PCSK6: variants seen among roughly 807,000 people sequenced by gnomAD.
The protein encoded by PCSK6 is paired basic amino acid cleaving enzyme 4.
In PCSK6, 85 loss-of-function variants were observed where a neutral mutation model predicts 123.3. The ratio of observed to expected loss-of-function variants is 0.69; its 90% CI spans 0.58 to 0.83. The LOEUF is 0.83. Ranked by LOEUF, PCSK6 falls within the 40% of genes least tolerant of loss-of-function variation. The pLI, the probability that PCSK6 is intolerant of heterozygous loss-of-function variation, is 0.00. For synonymous variants in PCSK6, 508 were observed against 516.0 expected, an observed-to-expected ratio of 0.98 and a Z score of 0.21; for missense variants, 1,191 against 1,282.3, an observed-to-expected ratio of 0.93 and a Z score of 1.09.
intron 2 of PCSK6, among the ~76,000 whole-genome samples, chr15:101,432,446 A>T (rs2056476702): frequency 8.2e-6 from 1 of 121,756 alleles, no homozygotes; most frequent in Non-Finnish European, 1.7e-5. Context: ...AACATGGTGA[A>T]ACCCCACCTC....
chr15:101,370,404 G>A lies in PCSK6; in HGVS notation c.1652C>T (p.Pro551Leu), dbSNP rs2041543206. Reference sequence around the variant, plus strand: ...GTAGATCTGGAGGTCTCCTCGGCGTGGGTGTGAGATGGAGGTGCGAACCAC... The same window carrying A: ...GTAGATCTGGAGGTCTCCTCGGCGTAGGTGTGAGATGGAGGTGCGAACCAC... ...HVVVRTSISH[P>L]RRGDLQIYLV... is the part of the protein sequence containing the mutation. Residue 551 changes from proline to leucine, a missense_variant, in exon 12 of 22, where the codon CCA becomes CTA. Pro to Leu is a moderately conservative substitution (Grantham distance 98, BLOSUM62 -3). Around this residue, in one of 3 missense-constraint regions of PCSK6, gnomAD observed 630 missense variants for 631.4 expected, o/e 1.00. Transcript: ENST00000611716. 3 of 1,553,070 alleles carry A rather than the reference G, an allele frequency of 1.9e-6. No homozygotes were observed. The highest frequency in any genetic ancestry group is 2.6e-6 in the Non-Finnish European group (3 of 1,147,754).
intron 2 of PCSK6, among the ~76,000 whole-genome samples, chr15:101,437,972 CT>C (rs749627123): frequency 6.6e-6 from 1 of 152,256 alleles, no homozygotes; most frequent in Non-Finnish European, 1.5e-5. Flanking sequence ...GCGGGGGACC[CT>C]AATCCAATCT....
At chr15:101,427,770 C>T (rs2056306096) in intron 6 of PCSK6, 122 bp downstream of exon 6, 1 of 702,126 alleles carries the variant, frequency 1.4e-6, no homozygotes, top group Non-Finnish European at 2.4e-6. Flanking sequence ...GCGTCTGGCC[C>T]AGGGGTCTGC....
chr15:101,403,444 GA>G (rs975440803), intron 6 of PCSK6, among the ~76,000 whole-genome samples: 174 of 146,404 alleles, frequency 1.2e-3, no homozygotes, highest in African/African-American at 3.1e-3. Context: ...AAAAGAGAGA[GA>G]AAAAAAAATG....
intron 1 of PCSK6, among the ~76,000 whole-genome samples, chr15:101,486,914 AG>A (rs1362277976): frequency 1.3e-5 from 2 of 152,260 alleles, no homozygotes; most frequent in Admixed American, 1.3e-4. Flanking sequence ...GCAAATGAGC[AG>A]GGATGGAACT....
At chr15:101,417,840 T>TA (rs2055940653) in intron 6 of PCSK6, among the ~76,000 whole-genome samples, 1 of 151,636 alleles carries the variant, frequency 6.6e-6, no homozygotes, top group African/African-American at 2.4e-5. Context: ...TGCAAAAGCC[T>TA]GTTTTTTTTT....
chr15:101,481,446 GAAC>G (rs1247059406), intron 1 of PCSK6, among the ~76,000 whole-genome samples: 4 of 152,268 alleles, frequency 2.6e-5, no homozygotes, highest in Admixed American at 2.0e-4. Flanking sequence ...TGGGCAGGAA[GAAC>G]AACAGAAGCA....
intron 2 of PCSK6, among the ~76,000 whole-genome samples, chr15:101,437,902 G>A (rs894932615): frequency 7.9e-5 from 12 of 152,212 alleles, no homozygotes; most frequent in Admixed American, 2.0e-4. Flanking sequence ...AGCTCAGAAC[G>A]TGACTGTAAT....
chr15:101,485,453 G>A (rs62027244), intron 1 of PCSK6, among the ~76,000 whole-genome samples: 23,515 of 152,052 alleles, frequency 0.15, 2,090 homozygotes, highest in Middle Eastern at 0.24. Flanking sequence ...TCTTCATTTT[G>A]AAATTTATTT....
intron 11 of PCSK6, among the ~76,000 whole-genome samples, chr15:101,381,362 C>CTCAATCAA (rs201058324): frequency 1.3e-5 from 2 of 151,840 alleles, no homozygotes; most frequent in South Asian, 2.1e-4. Flanking sequence ...AAAACTCGGT[C>CTCAATCAA]TCAATCAATC....
chr15:101,334,850 C>A (rs1407299120), intron 13 of PCSK6, among the ~76,000 whole-genome samples: 3 of 151,054 alleles, frequency 2.0e-5, no homozygotes, highest in Non-Finnish European at 4.4e-5. Context: ...AGGAAGAATT[C>A]CCAGGGACCC....
At chr15:101,439,277 G>A (rs2056691916) in intron 2 of PCSK6, among the ~76,000 whole-genome samples, 1 of 152,260 alleles carries the variant, frequency 6.6e-6, no homozygotes, top group African/African-American at 2.4e-5. Flanking sequence ...CTGGGTTTGG[G>A]ACATACTGAC....
intron 10 of PCSK6, chr15:101,384,076 G>C (rs1239893415): frequency 4.1e-6 from 4 of 978,506 alleles, no homozygotes; most frequent in Non-Finnish European, 1.2e-6. Flanking sequence ...GTGGTGTCTC[G>C]GTGTGGCCAA....
intron 13 of PCSK6, chr15:101,347,780 G>GA (rs771447301): frequency 6.2e-7 from 1 of 1,611,414 alleles, no homozygotes; most frequent in South Asian, 1.1e-5. Flanking sequence ...CAGGTTCCCT[G>GA]GAAAACAAGG....
chr15:101,483,091 C>T (rs920101496), intron 1 of PCSK6, among the ~76,000 whole-genome samples: 4 of 152,186 alleles, frequency 2.6e-5, no homozygotes, highest in Non-Finnish European at 2.9e-5. Context: ...GCAGGCCAGC[C>T]GCGCACAGCC....
At chr15:101,414,342 A>T (rs954155016) in intron 6 of PCSK6, among the ~76,000 whole-genome samples, 2 of 152,194 alleles carry the variant, frequency 1.3e-5, no homozygotes, top group Non-Finnish European at 2.9e-5. Flanking sequence ...CTAGTAAAAT[A>T]AAAAAATCAC....
Position 101,305,462 on chromosome 15 carries a change from C to T in PCSK6, c.2813-107G>A, listed in dbSNP as rs2039702448. The T allele has an allele frequency of 4.6e-6, 4 of 862,400 alleles. No homozygotes were observed. Among genetic ancestry groups the T allele is most frequent in the African/African-American group, 1.7e-5 (1 of 60,226 alleles). 53.4% of individuals were successfully genotyped at this position (862,400 alleles called of 1,614,324 possible). A position where few individuals can be genotyped will look rare whatever the true frequency, so the allele number is the denominator to read the frequency against. ...GTGCCTCATGCCTGTAATCCCAGCACTTTGGGAGGCCGAGGTGGGTGGATC... is the reference window on the plus strand; with the variant it reads ...GTGCCTCATGCCTGTAATCCCAGCATTTTGGGAGGCCGAGGTGGGTGGATC... On this transcript the variant is annotated intron_variant, in intron 21 of 21. Transcript: ENST00000611716. The surrounding 1 kb of genome is among the most constrained non-coding windows in gnomAD (Gnocchi z 4.8).
chr15:101,384,162 T>C lies in PCSK6; in HGVS notation c.1414+160A>G, dbSNP rs1443597969. ...GTAATGTCACTGTGAGCTTCCGGGA[T>C]ACTTTTCTTAAATAGCTGCACATGC... On this transcript the variant is annotated intron_variant, in intron 10 of 21. Coordinates refer to ENST00000611716, the MANE Select transcript of PCSK6 (RefSeq NM_002570.5). The C allele has an allele frequency of 2.8e-6, 4 of 1,426,778 alleles. No individual in the cohort carries two copies. In the East Asian group the frequency reaches 7.7e-5, roughly 28 times the overall value. 88.4% of individuals were successfully genotyped at this position (1,426,778 alleles called of 1,614,324 possible).
chr15:101,366,771 A>G (rs2041407416), intron 12 of PCSK6, among the ~76,000 whole-genome samples: 1 of 152,160 alleles, frequency 6.6e-6, no homozygotes, highest in Admixed American at 6.5e-5. Flanking sequence ...CCCCTGGGGT[A>G]CCTTCACCGA....
Sources: allele counts gnomAD v4.1 joint callset (sites outside exome capture counted in the v4.1 genomes callset), GRCh38; gene constraint gnomAD v4.1.1; regional missense constraint gnomAD v4.1.1; non-coding constraint Gnocchi (gnomAD v3.1); transcripts MANE v1.5; gene names NCBI Gene and HGNC (gene_info 2026-07-23, HGNC 2026-07-21).